Variants in ECPAS observed in about 807,000 individuals in gnomAD.
ECPAS encodes the protein Ecm29 proteasome adaptor and scaffold.
Under a neutral mutation model 255.1 loss-of-function variants are expected in ECPAS, and 70 were observed. That is an observed-to-expected ratio of 0.27 (90% CI 0.23 to 0.33). ECPAS has a LOEUF of 0.33. Among genes scored for constraint, ECPAS ranks in the 10% least tolerant of loss-of-function variants. The pLI is 1.00. For synonymous variants in ECPAS, 784 were observed against 775.0 expected (o/e 1.01, Z -0.19); for missense variants, 1,817 against 2,206.4 (o/e 0.82, Z 3.54).
At chr9:111,452,788 T>C (rs908541587) in intron 2 of ECPAS, among the ~76,000 whole-genome samples, 1 of 152,092 alleles carries the variant, frequency 6.6e-6, no homozygotes. Flanking sequence ...AGCAATGACA[T>C]CCTAGTAGCA....
At chr9:111,483,626 C>T (rs1439224527) in intron 1 of ECPAS, 6 of 253,632 alleles carry the variant, frequency 2.4e-5, no homozygotes, top group Non-Finnish European at 2.4e-5. Flanking sequence ...CGGCAGGGGC[C>T]GCGAGCCGCC....
At chr9:111,438,944 GGAAA>G (rs922596753) in intron 6 of ECPAS, among the ~76,000 whole-genome samples, 7 of 152,200 alleles carry the variant, frequency 4.6e-5, no homozygotes, top group African/African-American at 1.7e-4. Context: ...TTTGTGATCA[GGAAA>G]GAAAGAAGAT....
At chr9:111,393,822 A>G in intron 26 of ECPAS, 88 bp from the exon 27 acceptor site, 1 of 986,648 alleles carries the variant, frequency 1.0e-6, no homozygotes, top group Non-Finnish European at 1.6e-6. Flanking sequence ...CAAAATTTGT[A>G]GTCTTATTAT....
Position 111,369,303 on chromosome 9 carries a change from A to G in ECPAS, c.4975-130T>C, listed in dbSNP as rs2098124510. The G allele has an allele frequency of 8.2e-6, 5 of 606,598 alleles. No homozygotes were observed. In the Admixed American group the frequency reaches 1.7e-4, roughly 21 times the overall value. 37.6% of individuals were successfully genotyped at this position (606,598 alleles called of 1,614,324 possible). ...AGAGTTAAATGATAAATTCTCTACC[A>G]TAAGTTTCCCTATTTACAACAAGAA... On this transcript the variant is annotated intron_variant, in intron 45 of 49. Coordinates refer to ENST00000684092, the MANE Select transcript of ECPAS (RefSeq NM_001364929.1).
chr9:111,434,913 T>TTTC (rs2098235644), intron 7 of ECPAS, among the ~76,000 whole-genome samples: 1 of 147,634 alleles, frequency 6.8e-6, no homozygotes, highest in South Asian at 2.2e-4. Flanking sequence ...TTTTTTTTTT[T>TTTC]TTTTACACAG....
At chr9:111,483,797 GC>G (rs1006116204) in intron 1 of ECPAS, 1 of 199,038 alleles carries the variant, frequency 5.0e-6, no homozygotes, top group African/African-American at 2.4e-5. Flanking sequence ...CGCTGCCGCC[GC>G]CGCCGTCTGT....
chr9:111,464,388 T>C (rs986939180), intron 2 of ECPAS, among the ~76,000 whole-genome samples: 41 of 147,368 alleles, frequency 2.8e-4, no homozygotes, highest in African/African-American at 9.9e-4. Flanking sequence ...TGTGATCGTG[T>C]CCCTGCACTC....
At position 111,433,333 on chromosome 9, in the gene ECPAS, C is replaced by T. The variant is rs2098232837; in HGVS notation, c.748G>A (p.Val250Met). Residue 250 changes from valine (V) to methionine (M), a missense_variant, in exon 8 of 50, where the codon GTG becomes ATG. By Grantham distance (21) the Val-to-Met change is conservative (BLOSUM62 1). Around this residue, in one of 4 missense-constraint regions of ECPAS, gnomAD observed 573 missense variants for 716.2 expected, o/e 0.80. Transcript: ENST00000684092. ...GIVKFIEAEQ[V>M]PELEAVLHLV... The stretch of plus-strand genomic sequence containing the variant: ...TGGAGAACAGCTTCAAGTTCAGGCA[C>T]CTGTTCAGCTTCTATGAATTTCACG... 1.2e-6 allele frequency: 2 copies of T among 1,613,944 alleles called. No individual in the cohort carries two copies. The highest frequency in any genetic ancestry group is 1.7e-6 in the Non-Finnish European group (2 of 1,179,834).
chr9:111,370,861 A>T (rs2098126496), intron 43 of ECPAS, 96 bp from the exon 44 acceptor site: 10 of 1,147,174 alleles, frequency 8.7e-6, no homozygotes, highest in Non-Finnish European at 1.3e-5. Flanking sequence ...ATTTTTGATA[A>T]CTATGACAAC....
intron 3 of ECPAS, among the ~76,000 whole-genome samples, chr9:111,447,928 C>T (rs1427478852): frequency 1.3e-5 from 2 of 151,660 alleles, no homozygotes; most frequent in East Asian, 1.9e-4. Flanking sequence ...AGTTTGATAA[C>T]GAGAAAGTGA....
intron 2 of ECPAS, among the ~76,000 whole-genome samples, chr9:111,469,808 CAA>C (rs1221610578): frequency 1.6e-5 from 2 of 127,040 alleles, no homozygotes; most frequent in Admixed American, 8.0e-5. Context: ...GACTCTGTCT[CAA>C]AAAAAAAAAA....
In ECPAS at chr9:111,436,929, T is replaced by A; in HGVS notation, c.708+11A>T. On this transcript the variant is annotated intron_variant, in intron 7 of 49. Transcript: ENST00000684092. The stretch of plus-strand genomic sequence containing the variant: ...AATCAACTACTATTATGAGCAAGCC[T>A]TGTGTGATACCTGTTCCAATTGTTC... 6.3e-7 allele frequency: 1 copy of A among 1,590,086 alleles called. No homozygotes were observed.
chr9:111,374,023 C>T lies in ECPAS; in HGVS notation c.4126G>A (p.Val1376Ile), dbSNP rs2098130529. 2 of 1,613,190 alleles carry T rather than the reference C, an allele frequency of 1.2e-6. No homozygotes were observed. The highest frequency in any genetic ancestry group is 1.7e-6 in the Non-Finnish European group (2 of 1,179,180). ...CACTGAGTAGTTAATGACACAATGA[C>T]ACTGGCACAGCCACCCTACAGGGTT... is the stretch of plus-strand genomic sequence containing the variant. ...GLGTKGGCASVIVSLTTQCPQ... is the reference protein window; with the variant it reads ...GLGTKGGCASIIVSLTTQCPQ... The change falls in exon 39 of 50, where the codon GTC (valine) becomes ATC (isoleucine). Residue 1376 changes from valine to isoleucine, a missense_variant. Around this residue, in one of 4 missense-constraint regions of ECPAS, gnomAD observed 960 missense variants for 1,179.0 expected, o/e 0.81. Transcript: ENST00000684092.
At chr9:111,410,903 GA>G in intron 22 of ECPAS, 76 bp downstream of exon 22, 2 of 1,388,714 alleles carry the variant, frequency 1.4e-6, no homozygotes, top group South Asian at 2.7e-5. Context: ...GCCATAAAAA[GA>G]AACTGAAACG....
intron 24 of ECPAS, among the ~76,000 whole-genome samples, chr9:111,401,823 G>A (rs2098176509): frequency 6.6e-6 from 1 of 152,154 alleles, no homozygotes; most frequent in African/African-American, 2.4e-5. Flanking sequence ...GAAAAATATG[G>A]CTCTATTCTG....
At chr9:111,461,950 A>G (rs1428896017) in intron 2 of ECPAS, among the ~76,000 whole-genome samples, 4 of 152,196 alleles carry the variant, frequency 2.6e-5, no homozygotes, top group African/African-American at 7.2e-5. Flanking sequence ...CGCTATCACG[A>G]GAACAGCATG....
chr9:111,378,444 A>C (rs1033221357), intron 36 of ECPAS, 136 bp downstream of exon 36: 4 of 839,096 alleles, frequency 4.8e-6, no homozygotes, highest in African/African-American at 3.4e-5. Context: ...CTCCAAAAAA[A>C]CAGTAAAACA....
At position 111,362,185 on chromosome 9, in the gene ECPAS, A is replaced by C. The variant is rs770753112; in HGVS notation, c.5381-16T>G. Reference sequence around the variant, plus strand: ...TGTTTAGATTCTGCATGAAAAAAAAAAAACAAAAACAAAAAAAACAAAAAA... The same window carrying C: ...TGTTTAGATTCTGCATGAAAAAAAACAAACAAAAACAAAAAAAACAAAAAA... On this transcript the variant is annotated splice_polypyrimidine_tract_variant and intron_variant, in intron 49 of 49. Coordinates refer to ENST00000684092, the MANE Select transcript of ECPAS (RefSeq NM_001364929.1). 41 of 1,539,526 alleles carry C rather than the reference A, an allele frequency of 2.7e-5. No homozygotes were observed. Among genetic ancestry groups the C allele is most frequent in the Non-Finnish European group, 3.3e-5 (38 of 1,150,334 alleles).
chr9:111,385,671 G>A (rs2098147181), intron 32 of ECPAS, among the ~76,000 whole-genome samples: 1 of 152,090 alleles, frequency 6.6e-6, no homozygotes, highest in South Asian at 2.1e-4. Context: ...CCTTTGAGAT[G>A]ACACATCGTT....
Sources: allele counts gnomAD v4.1 joint callset (sites outside exome capture counted in the v4.1 genomes callset), GRCh38; gene constraint gnomAD v4.1.1; regional missense constraint gnomAD v4.1.1; transcripts MANE v1.5; gene names NCBI Gene and HGNC (gene_info 2026-07-23, HGNC 2026-07-21).